The following SRGAP3 variants were observed in gnomAD, a reference collection of about 807,000 sequenced individuals.
The protein encoded by SRGAP3 is SLIT-ROBO Rho GTPase-activating protein 3.
A neutral mutation model predicts 121.1 loss-of-function variants in SRGAP3; 39 were observed. That is an observed-to-expected ratio of 0.32 (90% CI 0.25 to 0.42). The LOEUF is 0.42. Ranked by LOEUF, SRGAP3 falls within the 10% of genes least tolerant of loss-of-function variation. SRGAP3 has a pLI of 1.00. For missense variants in SRGAP3, 1,213 were observed against 1,470.6 expected (o/e 0.82, Z 2.86); for synonymous variants, 601 against 570.0 (o/e 1.05, Z -0.77).
chr3:8,994,408 C>T lies in SRGAP3; in HGVS notation c.2343G>A (p.Trp781Ter). The T allele has an allele frequency of 6.2e-7, 1 of 1,614,262 alleles. No individual in the cohort carries two copies. Among genetic ancestry groups the T allele is most frequent in the Non-Finnish European group, 8.5e-7 (1 of 1,180,054 alleles). ...CCACGCCGTTGTGCCGGCCCTCCCA[C>T]CAGTCCTCCGAGGCGCGGTGGTACA... ...LLLYHRASED[W>*]WEGRHNGVDG... Residue 781 changes from tryptophan to a stop codon, truncating the protein, a stop_gained, in exon 19 of 22, where the codon TGG becomes TGA. Coordinates refer to ENST00000383836, the MANE Select transcript of SRGAP3 (RefSeq NM_014850.4). LOFTEE classifies it high-confidence loss of function.
chr3:9,068,612 A>G (rs1296146968), intron 4 of SRGAP3, among the ~76,000 whole-genome samples: 2 of 152,190 alleles, frequency 1.3e-5, no homozygotes, highest in Non-Finnish European at 2.9e-5. Context: ...AGTTTCTCCA[A>G]AATGACTCTA....
At chr3:9,220,056 G>A (rs1476421741) in intron 1 of SRGAP3, among the ~76,000 whole-genome samples, 4 of 152,166 alleles carry the variant, frequency 2.6e-5, no homozygotes, top group South Asian at 4.1e-4. Context: ...GGGAGGAAGA[G>A]AGGTTGGTTA....
chr3:9,055,770 CTAA>C (rs1230999763), intron 8 of SRGAP3, among the ~76,000 whole-genome samples: 1 of 152,208 alleles, frequency 6.6e-6, no homozygotes, highest in Non-Finnish European at 1.5e-5. Context: ...AACATAGCAA[CTAA>C]TAACATTTAA....
At chr3:9,321,319 C>G (rs768215241) in intron 3 of SRGAP3, among the ~76,000 whole-genome samples, 1 of 151,892 alleles carries the variant, frequency 6.6e-6, no homozygotes, top group Non-Finnish European at 1.5e-5. Context: ...GAATTCCTGA[C>G]CCATAGAAAT....
At chr3:9,007,248 G>T (rs1304253708) in intron 18 of SRGAP3, 1 of 152,168 alleles carries the variant, frequency 6.6e-6, no homozygotes, top group African/African-American at 2.4e-5. Context: ...GGGGTTACAG[G>T]TGTGAGCCAC....
Position 9,028,234 on chromosome 3 carries a change from C to T in SRGAP3, c.1540-1239G>A, listed in dbSNP as rs504153. The T allele has an allele frequency of 0.18, 269,718 of 1,491,834 alleles. 26,648 individuals carry two copies. Among genetic ancestry groups the T allele is most frequent in the Admixed American group, 0.33 (18,908 of 56,514 alleles). The allele number at this position is 1,491,834 out of a possible 1,614,324, so 92.4% of individuals were successfully genotyped here. On this transcript the variant is annotated intron_variant, in intron 12 of 21. Coordinates refer to ENST00000383836, the MANE Select transcript of SRGAP3 (RefSeq NM_014850.4). ...CAGATCCTTCAGAGTCCGTGAACGC[C>T]GAAATGCAATGGCAGCCAGCCAAGG...
In SRGAP3 at chr3:9,249,473, T is replaced by C. The variant is rs1445043496; in HGVS notation, c.-522A>G. 1 of 249,540 alleles carries C rather than the reference T, an allele frequency of 4.0e-6. No homozygotes were observed. The highest frequency in any genetic ancestry group is 7.9e-6 in the Non-Finnish European group (1 of 127,200). The allele number at this position is 249,540 out of a possible 1,614,324, so 15.5% of individuals were successfully genotyped here. A position where few individuals can be genotyped will look rare whatever the true frequency, so the allele number is the denominator to read the frequency against. On this transcript the variant is annotated 5_prime_UTR_variant, in exon 1 of 22. Coordinates refer to ENST00000383836, the MANE Select transcript of SRGAP3 (RefSeq NM_014850.4). ...TTGGTCGTGCAGCCAGCCCCTGGCT[T>C]GCTTTTGAAGGCTCTGCTAAGTCGA...
intron 6 of SRGAP3, 94 bp from the exon 7 acceptor site, chr3:9,058,566 T>C: frequency 1.5e-6 from 2 of 1,298,248 alleles, no homozygotes; most frequent in Non-Finnish European, 2.2e-6. Flanking sequence ...TTACCTCCCT[T>C]TCCACAGCCG....
chr3:9,279,509 ATTTTT>A (rs34338068), intron 3 of SRGAP3, among the ~76,000 whole-genome samples: 2 of 117,976 alleles, frequency 1.7e-5, no homozygotes, highest in African/African-American at 3.2e-5. Context: ...GAATACCCTG[ATTTTT>A]TTTTTTTTTT....
chr3:9,054,056 T>A (rs1945707188), intron 8 of SRGAP3, among the ~76,000 whole-genome samples: 1 of 152,236 alleles, frequency 6.6e-6, no homozygotes, highest in Non-Finnish European at 1.5e-5. Flanking sequence ...CTTCACTCAG[T>A]GCCTATTACT....
chr3:9,338,059 A>G (rs1955720829), intron 1 of SRGAP3, among the ~76,000 whole-genome samples: 1 of 152,236 alleles, frequency 6.6e-6, no homozygotes, highest in South Asian at 2.1e-4. Flanking sequence ...GGAAAGGGAC[A>G]TGAAAACAGG....
intron 2 of SRGAP3, among the ~76,000 whole-genome samples, chr3:9,121,628 C>T (rs937235902): frequency 2.6e-5 from 4 of 152,222 alleles, no homozygotes; most frequent in African/African-American, 9.6e-5. Context: ...GGCTCCCGTT[C>T]CGTCTGGTGG....
chr3:9,230,003 A>G (rs912500978), intron 1 of SRGAP3, among the ~76,000 whole-genome samples: 1 of 152,202 alleles, frequency 6.6e-6, no homozygotes, highest in Non-Finnish European at 1.5e-5. Context: ...TTACAGAGGA[A>G]GAAGCTGAGC....
chr3:9,175,575 T>A (rs1178449609), intron 1 of SRGAP3, among the ~76,000 whole-genome samples: 1 of 152,188 alleles, frequency 6.6e-6, no homozygotes, highest in Non-Finnish European at 1.5e-5. Flanking sequence ...GCTGGTCTGC[T>A]ATGGGGAAAA....
intron 1 of SRGAP3, among the ~76,000 whole-genome samples, chr3:9,238,480 C>T (rs372851050): frequency 9.2e-5 from 14 of 152,228 alleles, no homozygotes; most frequent in Admixed American, 5.2e-4. Context: ...CAGGATACCA[C>T]CCTTGTTCCC....
chr3:9,078,531 T>C (rs1022228539), intron 4 of SRGAP3, among the ~76,000 whole-genome samples: 3 of 152,166 alleles, frequency 2.0e-5, no homozygotes, highest in East Asian at 1.9e-4. Context: ...ATGATGATGA[T>C]AGTGACACTC....
chr3:9,075,191 T>C (rs935610301), intron 4 of SRGAP3, among the ~76,000 whole-genome samples: 5 of 152,186 alleles, frequency 3.3e-5, no homozygotes, highest in African/African-American at 1.2e-4. Flanking sequence ...GCCCTTTTTT[T>C]CTCCCAGGCC....
Position 8,982,139 on chromosome 3 carries a change from C to G in SRGAP3, c.*3380G>C, listed in dbSNP as rs1941449848. On this transcript the variant is annotated 3_prime_UTR_variant, in exon 22 of 22. Coordinates refer to ENST00000383836, the MANE Select transcript of SRGAP3 (RefSeq NM_014850.4). ...AGCCACAAGGCCCAGGAAACTAGACCAGGAATTAATTGTCTTTGGTCAGTT... is the reference window on the plus strand; with the variant it reads ...AGCCACAAGGCCCAGGAAACTAGACGAGGAATTAATTGTCTTTGGTCAGTT... 1 of 226,262 alleles carries G rather than the reference C, an allele frequency of 4.4e-6. No homozygotes were observed. Among genetic ancestry groups the G allele is most frequent in the Admixed American group, 5.7e-5 (1 of 17,490 alleles). The allele number at this position is 226,262 out of a possible 1,614,324, so 14.0% of individuals were successfully genotyped here.
chr3:9,349,060 G>C, intron 1 of SRGAP3: 1 of 967,842 alleles, frequency 1.0e-6, no homozygotes, highest in African/African-American at 1.6e-5. Flanking sequence ...TCATGGAGCT[G>C]AACCTGCCCA....
Sources: gnomAD v4.1 joint callset for allele counts (sites outside exome capture counted in the v4.1 genomes callset) on GRCh38, gnomAD v4.1.1 for gene constraint, MANE v1.5 for transcripts, NCBI Gene and HGNC (gene_info 2026-07-23, HGNC 2026-07-21) for gene names.